Variants in PHF19 observed in about 807,000 individuals in gnomAD.
The protein encoded by PHF19 is polycomb like 3.
Under a neutral mutation model 79.8 loss-of-function variants are expected in PHF19, and 21 were observed. The observed-to-expected ratio is 0.26, with a 90% confidence interval of 0.19 to 0.38. The LOEUF is 0.38. Among genes scored for constraint, PHF19 ranks in the 10% least tolerant of loss-of-function variants. The pLI, the probability that PHF19 is intolerant of heterozygous loss-of-function variation, is 1.00. For missense variants in PHF19, 445 were observed against 744.2 expected, an observed-to-expected ratio of 0.60 and a Z score of 4.68; for synonymous variants, 273 against 296.3, an observed-to-expected ratio of 0.92 and a Z score of 0.81.
chr9:120,888,610 G>A (rs1223225720), intron 1 of PHF19, among the ~76,000 whole-genome samples: 1 of 152,196 alleles, frequency 6.6e-6, no homozygotes, highest in Non-Finnish European at 1.5e-5. Flanking sequence ...ACAGGATGGA[G>A]ACCAAGGGCC....
chr9:120,899,586 C>T (rs937566353), upstream of PHF19, among the ~76,000 whole-genome samples: 2 of 152,162 alleles, frequency 1.3e-5, no homozygotes, highest in African/African-American at 4.8e-5. Context: ...AATTGGCATC[C>T]TTACGACAAC....
In PHF19 at chr9:120,869,663, G is replaced by T; in HGVS notation, c.465+182C>A. ...CCAAACCCATCTCCACTTTACAGTT[G>T]AGGAAACTGAGGCTCAGGGAGTCTA... On this transcript the variant is annotated intron_variant, in intron 5 of 14. Coordinates refer to ENST00000373896, the MANE Select transcript of PHF19 (RefSeq NM_015651.3). This position sits in a 1 kb window ranked among gnomAD's most constrained non-coding sequence, Gnocchi z 5.8. 1 of 1,546,554 alleles carries T rather than the reference G, an allele frequency of 6.5e-7. No homozygotes were observed. The highest frequency in any genetic ancestry group is 8.7e-7 in the Non-Finnish European group (1 of 1,143,100).
At chr9:120,875,598 T>C (rs1407250661) in intron 1 of PHF19, among the ~76,000 whole-genome samples, 3 of 152,228 alleles carry the variant, frequency 2.0e-5, no homozygotes, top group African/African-American at 7.2e-5. Context: ...CCTCCTGCCC[T>C]GGTCTCAGTT....
At chr9:120,894,894 G>GGTAGAAGGC (rs1258337607) in exon 1 of PHF19, 2 of 844,634 alleles carry the variant, frequency 2.4e-6, no homozygotes, top group African/African-American at 3.5e-5. Context: ...ACGACTTACT[G>GGTAGAAGGC]GTAGAAGGCG....
At position 120,865,582 on chromosome 9, in the gene PHF19, G is replaced by C. The variant is rs1411866381; in HGVS notation, c.900+128C>G. 9 of 1,191,076 alleles carry C rather than the reference G, an allele frequency of 7.6e-6. No homozygotes were observed. In the Admixed American group the frequency reaches 2.0e-4, roughly 27 times the overall value. 73.8% of individuals were successfully genotyped at this position (1,191,076 alleles called of 1,614,324 possible). A position where few individuals can be genotyped will look rare whatever the true frequency, so the allele number is the denominator to read the frequency against. On this transcript the variant is annotated intron_variant, in intron 9 of 14. Transcript: ENST00000373896. ...AAGGCCCTTAAAGGACACAAGATCA[G>C]AGGCCTGGACTCAGGGATGCAGCAA...
intron 1 of PHF19, among the ~76,000 whole-genome samples, chr9:120,886,474 A>G (rs553816983): frequency 3.3e-5 from 5 of 152,382 alleles, no homozygotes; most frequent in East Asian, 3.9e-4. Context: ...CCTCTGCAGC[A>G]AGGAGCTTGG....
rs2045546304 is a variant in PHF19, at chr9:120,862,101, G to A, written c.1131-96C>T. The A allele has an allele frequency of 3.5e-6, 3 of 855,212 alleles. No homozygotes were observed. In the Admixed American group the frequency reaches 5.2e-5, roughly 15 times the overall value. 53.0% of individuals were successfully genotyped at this position (855,212 alleles called of 1,614,324 possible). On this transcript the variant is annotated intron_variant, in intron 11 of 14. Coordinates refer to ENST00000373896, the MANE Select transcript of PHF19 (RefSeq NM_015651.3). This position sits in a 1 kb window ranked among gnomAD's most constrained non-coding sequence, Gnocchi z 4.6. ...CGCCGCAGGGGCGGGGGTCACAGCA[G>A]TTGGGGAGACAGGCTCTGAACACAG...
Position 120,864,040 on chromosome 9 carries a change from T to C in PHF19, c.968+9A>G, listed in dbSNP as rs1188344116. On this transcript the variant is annotated intron_variant, in intron 10 of 14. Coordinates refer to ENST00000373896, the MANE Select transcript of PHF19 (RefSeq NM_015651.3). ...GCCCCACCACACTCCCTCCCCTCCC[T>C]GCACGCACCGGCTTTTATAACTGTT... is the stretch of plus-strand genomic sequence containing the variant. The C allele has an allele frequency of 1.2e-6, 2 of 1,612,182 alleles. No individual in the cohort carries two copies. Among genetic ancestry groups the C allele is most frequent in the Admixed American group, 1.7e-5 (1 of 59,886 alleles).
intron 1 of PHF19, among the ~76,000 whole-genome samples, chr9:120,886,310 A>G (rs530086280): frequency 6.6e-6 from 1 of 152,346 alleles, no homozygotes; most frequent in East Asian, 1.9e-4. Flanking sequence ...TGTGCAGGGA[A>G]TCTGAACAGT....
Position 120,886,909 on chromosome 9 carries a change from A to C in PHF19, c.42+7879T>G, listed in dbSNP as rs187371179. Among the ~76,000 whole-genome samples, 428 of 152,004 alleles carry C rather than the reference A, an allele frequency of 2.8e-3. 3 individuals carry two copies. The highest frequency in any genetic ancestry group is 7.7e-4 in the Non-Finnish European group (52 of 67,972). ...ATGGTGAAACCCTGTCTCTACTAAA[A>C]ATACAAAAAAATTAGCCGGGTGTGA... On this transcript the variant is annotated intron_variant, in intron 1 of 14. Transcript: ENST00000616568.
At chr9:120,887,681 G>A (rs1484250185) in intron 1 of PHF19, among the ~76,000 whole-genome samples, 3 of 149,552 alleles carry the variant, frequency 2.0e-5, no homozygotes, top group Non-Finnish European at 3.0e-5. Flanking sequence ...CACACAGATG[G>A]TCCCTGAATG....
Position 120,866,007 on chromosome 9 carries a change from G to C in PHF19, c.779+21C>G, listed in dbSNP as rs1378086000. 3 of 1,603,100 alleles carry C rather than the reference G, an allele frequency of 1.9e-6. No individual in the cohort carries two copies. The highest frequency in any genetic ancestry group is 2.7e-5 in the African/African-American group (2 of 74,652). ...AAGCTGGGAGGAGCAGCGGTGGTTG[G>C]ACTAAGCCCCACCCTCTCACCATCG... On this transcript the variant is annotated intron_variant, in intron 8 of 14. Coordinates refer to ENST00000373896, the MANE Select transcript of PHF19 (RefSeq NM_015651.3). The surrounding 1 kb of genome is among the most constrained non-coding windows in gnomAD (Gnocchi z 5.2).
intron 10 of PHF19, among the ~76,000 whole-genome samples, chr9:120,863,767 C>G (rs2045609823): frequency 1.3e-5 from 2 of 152,172 alleles, no homozygotes; most frequent in Admixed American, 6.5e-5. Flanking sequence ...GTGCCTGGCC[C>G]CCAAGGCCTA....
Position 120,869,972 on chromosome 9 carries a change from G to T in PHF19, c.365-27C>A. On this transcript the variant is annotated intron_variant, in intron 4 of 14. Coordinates refer to ENST00000373896, the MANE Select transcript of PHF19 (RefSeq NM_015651.3). The surrounding 1 kb of genome is among the most constrained non-coding windows in gnomAD (Gnocchi z 5.8). ...TACGGCAGAGGAGGGGGCGGTGAGC[G>T]CCCACAAGGACATCGTGGCCCAAGG... 2 of 1,551,124 alleles carry T rather than the reference G, an allele frequency of 1.3e-6. No homozygotes were observed. The highest frequency in any genetic ancestry group is 1.7e-6 in the Non-Finnish European group (2 of 1,147,272).
intron 9 of PHF19, among the ~76,000 whole-genome samples, chr9:120,864,822 G>C (rs2045649536): frequency 6.6e-6 from 1 of 152,018 alleles, no homozygotes; most frequent in Non-Finnish European, 1.5e-5. Context: ...ACATAGAAGA[G>C]AGTCGGAAAG....
In PHF19 at chr9:120,857,084, G is replaced by C. The variant is rs776907027; in HGVS notation, c.*860C>G. 2.0e-5 allele frequency: 3 copies of C among 152,408 alleles called. No individual in the cohort carries two copies. Among genetic ancestry groups the C allele is most frequent in the Non-Finnish European group, 4.4e-5 (3 of 68,126 alleles). 9.4% of individuals were successfully genotyped at this position (152,408 alleles called of 1,614,324 possible). A position where few individuals can be genotyped will look rare whatever the true frequency, so the allele number is the denominator to read the frequency against. On this transcript the variant is annotated 3_prime_UTR_variant, in exon 15 of 15. Transcript: ENST00000373896. ...TGGTGTCTGGTGGGTCTGGGGATGG[G>C]AGGCACCAGAAACAGGTTTAGCAAG...
Position 120,864,058 on chromosome 9 carries a change from T to A in PHF19, c.959A>T (p.Tyr320Phe). The A allele has an allele frequency of 6.2e-7, 1 of 1,613,774 alleles. No individual in the cohort carries two copies. Among genetic ancestry groups the A allele is most frequent in the Non-Finnish European group, 8.5e-7 (1 of 1,179,836 alleles). The change falls in exon 10 of 15, where the codon TAT becomes TTT. Residue 320 changes from tyrosine to phenylalanine, a missense_variant. Around this residue, in one of 5 missense-constraint regions of PHF19, gnomAD observed 167 missense variants for 375.8 expected, o/e 0.44. Coordinates refer to ENST00000373896, the MANE Select transcript of PHF19 (RefSeq NM_015651.3). ...CCCTCCCTGCACGCACCGGCTTTTA[T>A]AACTGTTCAGAGCGTTGAGGAGATG... is the stretch of plus-strand genomic sequence containing the variant. The part of the protein sequence containing the change: ...GPHLLNALNS[Y>F]KSRFLCGKEI...
chr9:120,897,218 G>A (rs919543633), upstream of PHF19, among the ~76,000 whole-genome samples: 2 of 152,266 alleles, frequency 1.3e-5, no homozygotes, highest in Non-Finnish European at 2.9e-5. Flanking sequence ...TGGCAGTCCT[G>A]GGGCTGGCCC....
the PHF19 span, among the ~76,000 whole-genome samples, chr9:120,901,048 G>C: frequency 3.9e-5 from 6 of 152,260 alleles, no homozygotes; most frequent in Non-Finnish European, 7.3e-5. Flanking sequence ...GGTGCTGCCA[G>C]GCTGGCATCA....
Sources: gnomAD v4.1 joint callset for allele counts (sites outside exome capture counted in the v4.1 genomes callset) on GRCh38, gnomAD v4.1.1 for gene constraint, gnomAD v4.1.1 regional missense constraint, Gnocchi (gnomAD v3.1) non-coding constraint, MANE v1.5 for transcripts, NCBI Gene and HGNC (gene_info 2026-07-23, HGNC 2026-07-21) for gene names.